The following SLC39A10 variants were observed in gnomAD, a reference collection of about 807,000 sequenced individuals.
The protein encoded by SLC39A10 is solute carrier family 39 member 10, also known as zinc transporter ZIP10.
A neutral mutation model predicts 65.1 loss-of-function variants in SLC39A10; 13 were observed. The observed-to-expected ratio is 0.20, with a 90% CI of 0.13 to 0.32. The LOEUF (loss-of-function observed/expected upper bound fraction) is 0.32. SLC39A10 is among the 10% of genes least tolerant of loss of function. SLC39A10 has a pLI of 1.00. For synonymous variants in SLC39A10, 321 were observed against 342.2 expected (o/e 0.94, Z 0.68); for missense variants, 831 against 1,018.4 (o/e 0.82, Z 2.50).
In SLC39A10 at chr2:195,735,930, C is replaced by CTATT. The variant is rs1257041929; in HGVS notation, c.*891_*894dup. On this transcript the variant is annotated 3_prime_UTR_variant, in exon 10 of 10. Coordinates refer to ENST00000359634, the MANE Select transcript of SLC39A10 (RefSeq NM_020342.3). ...GACGTGGTTTAAATAGTTGATTTTCCTATTTTAACAGTACCAACTAGTTAA... is the reference window on the plus strand; with the variant it reads ...GACGTGGTTTAAATAGTTGATTTTCCTATTTATTTTAACAGTACCAACTAGTTAA... 1 of 151,078 alleles carries CTATT rather than the reference C, an allele frequency of 6.6e-6. No individual in the cohort carries two copies. The highest frequency in any genetic ancestry group is 2.4e-5 in the African/African-American group (1 of 41,044). 9.4% of individuals were successfully genotyped at this position (151,078 alleles called of 1,614,324 possible).
chr2:195,645,030 C>T (rs561873651), intron 2 of SLC39A10, among the ~76,000 whole-genome samples: 33 of 152,008 alleles, frequency 2.2e-4, no homozygotes, highest in African/African-American at 6.8e-4. Flanking sequence ...CTGCCTCAGC[C>T]GCCCTAGTAG....
At chr2:195,706,822 T>A in intron 4 of SLC39A10, 37 bp downstream of exon 4, 16 of 1,386,082 alleles carry the variant, frequency 1.2e-5, no homozygotes, top group Non-Finnish European at 1.5e-5. Context: ...AAATTTAAAA[T>A]AAAAATATTT....
chr2:195,716,847 T>G lies in SLC39A10; in HGVS notation c.1907T>G (p.Leu636Arg). The G allele has an allele frequency of 6.2e-7, 1 of 1,614,176 alleles. No homozygotes were observed. Among genetic ancestry groups the G allele is most frequent in the South Asian group, 1.1e-5 (1 of 91,080 alleles). ...HNHHGENKTV[L>R]RKHNHQWHHK... ...CACCACGGCGAGAACAAAACTGTGC[T>G]GAGGAAGCATAATCACCAGTGGCAC... is the stretch of plus-strand genomic sequence containing the variant. Residue 636 changes from leucine to arginine, a missense_variant, in exon 7 of 10, where the codon CTG becomes CGG. Leu to Arg is a moderately radical substitution (Grantham distance 102). This residue lies in a region of SLC39A10 where 230 missense variants were observed against 242.9 expected (regional missense o/e 0.95). Coordinates refer to ENST00000359634, the MANE Select transcript of SLC39A10 (RefSeq NM_020342.3).
In SLC39A10 at chr2:195,707,119, T is replaced by C. The variant is rs184341624; in HGVS notation, c.1386+334T>C. ...TGCATAAGATATGTTGTAATGATTA[T>C]GCCTGTAGGTGGTATGCCATCAGCA... On this transcript the variant is annotated intron_variant, in intron 4 of 9. Coordinates refer to ENST00000359634, the MANE Select transcript of SLC39A10 (RefSeq NM_020342.3). 3.4e-3 allele frequency among the ~76,000 whole-genome samples: 520 copies of C among 152,340 alleles called. 2 individuals carry two copies. Among genetic ancestry groups the C allele is most frequent in the Admixed American group, 4.7e-3 (72 of 15,302 alleles).
At chr2:195,652,671 T>C (rs1220459362), upstream of SLC39A10, among the ~76,000 whole-genome samples, 1 of 90,698 alleles carries the variant, frequency 1.1e-5, no homozygotes, top group Non-Finnish European at 2.8e-5. Context: ...TTGTGTTTCT[T>C]ACCAGACTTT....
At chr2:195,700,191 T>C (rs1421542380) in intron 3 of SLC39A10, among the ~76,000 whole-genome samples, 1 of 152,124 alleles carries the variant, frequency 6.6e-6, no homozygotes, top group Non-Finnish European at 1.5e-5. Context: ...TGTCAGTTGA[T>C]TGGAGAGTTT....
intron 1 of SLC39A10, chr2:195,657,567 C>A (rs1689200298): frequency 1.0e-6 from 1 of 983,738 alleles, no homozygotes; most frequent in African/African-American, 1.7e-5. Flanking sequence ...GCGGCATCCA[C>A]TTCGCGTGCG....
At chr2:195,630,103 A>ATGTGTGTGTGTGTGTG (rs35865354) in intron 2 of SLC39A10, among the ~76,000 whole-genome samples, 180 of 131,816 alleles carry the variant, frequency 1.4e-3, no homozygotes, top group African/African-American at 4.7e-3. Context: ...CTCATTTTAT[A>ATGTGTGTGTGTGTGTG]TGTGTGTGTG....
At chr2:195,613,188 CT>C (rs1688135041) in intron 2 of SLC39A10, among the ~76,000 whole-genome samples, 1 of 152,066 alleles carries the variant, frequency 6.6e-6, no homozygotes, top group Admixed American at 6.6e-5. Context: ...CCACCCCACC[CT>C]TCTATCCTCC....
At position 195,680,008 on chromosome 2, in the gene SLC39A10, G is replaced by C. The variant is rs766374556; in HGVS notation, c.-11-24G>C. ...TGTGTCTAGGTAGAAACTAATACTT[G>C]TCTCTCTCTTTAAATCTCTTTAGGA... is the stretch of plus-strand genomic sequence containing the variant. On this transcript the variant is annotated intron_variant, in intron 1 of 9. Transcript: ENST00000359634. 4.7e-5 allele frequency: 72 copies of C among 1,535,944 alleles called. 1 individual carries two copies. The South Asian group carries it at 9.0e-4, about 19-fold the overall frequency.
intron 5 of SLC39A10, among the ~76,000 whole-genome samples, chr2:195,713,085 G>T (rs1318916463): frequency 2.6e-5 from 4 of 152,094 alleles, no homozygotes. Flanking sequence ...ACAAGCTTTA[G>T]TTTTTTGGAA....
chr2:195,665,995 C>A (rs1489513126), intron 1 of SLC39A10, among the ~76,000 whole-genome samples: 3 of 152,132 alleles, frequency 2.0e-5, no homozygotes, highest in Non-Finnish European at 4.4e-5. Context: ...TAATAAATGA[C>A]TACTTTCCTG....
intron 5 of SLC39A10, among the ~76,000 whole-genome samples, chr2:195,713,223 A>C (rs1473338734): frequency 2.6e-5 from 4 of 152,146 alleles, no homozygotes; most frequent in Admixed American, 2.0e-4. Flanking sequence ...GGAACCTCTT[A>C]GTTGAATATT....
chr2:195,715,219 G>T (rs962163128), intron 6 of SLC39A10, among the ~76,000 whole-genome samples: 1 of 151,924 alleles, frequency 6.6e-6, no homozygotes, highest in African/African-American at 2.4e-5. Flanking sequence ...TAATCATAAA[G>T]AACTCTCTTA....
chr2:195,683,396 C>T (rs575360410), intron 2 of SLC39A10, among the ~76,000 whole-genome samples: 1 of 152,014 alleles, frequency 6.6e-6, no homozygotes, highest in Non-Finnish European at 1.5e-5. Flanking sequence ...AATGATTTTT[C>T]TCATCATCCT....
rs941088624 is a variant in SLC39A10, at chr2:195,638,850, A to G, written c.-12+32617A>G. Among the ~76,000 whole-genome samples, 4 of 152,126 alleles carry G rather than the reference A, an allele frequency of 2.6e-5. 1 individual carries two copies. Among genetic ancestry groups the G allele is most frequent in the South Asian group, 4.2e-4 (2 of 4,818 alleles). ...ATCAAAGGTCATTTTTCCATCCTAG[A>G]ATCATATCTAAGTTACATTATATTT... On this transcript the variant is annotated intron_variant, in intron 2 of 2. Transcript: ENST00000458054.
At chr2:195,640,202 C>A (rs1688777045) in intron 2 of SLC39A10, among the ~76,000 whole-genome samples, 2 of 152,004 alleles carry the variant, frequency 1.3e-5, no homozygotes, top group African/African-American at 4.8e-5. Flanking sequence ...AGTGGAAGCA[C>A]AAAGGCAGTT....
rs545041155 is a variant in SLC39A10, at chr2:195,621,953, A to C, written c.-12+15720A>C. On this transcript the variant is annotated intron_variant, in intron 2 of 2. Transcript: ENST00000458054. The stretch of plus-strand genomic sequence containing the variant: ...AAAACAAAAACAAACTGAGTCCCAT[A>C]TAGTAAATGGTTGTGCCGGGATTTA... Among the ~76,000 whole-genome samples, 9 of 152,312 alleles carry C rather than the reference A, an allele frequency of 5.9e-5. No homozygotes were observed. The East Asian group carries it at 1.5e-3, about 26-fold the overall frequency.
At chr2:195,703,772 G>C (rs1457053322) in intron 3 of SLC39A10, among the ~76,000 whole-genome samples, 1 of 152,072 alleles carries the variant, frequency 6.6e-6, no homozygotes, top group Non-Finnish European at 1.5e-5. Flanking sequence ...TCTCACCTCA[G>C]CCTCCCAAGG....
Sources: gnomAD v4.1 joint callset for allele counts (sites outside exome capture counted in the v4.1 genomes callset) on GRCh38, gnomAD v4.1.1 for gene constraint, gnomAD v4.1.1 regional missense constraint, MANE v1.5 for transcripts, NCBI Gene and HGNC (gene_info 2026-07-23, HGNC 2026-07-21) for gene names.